Variants in ZNF329 observed in about 807,000 individuals in gnomAD.
ZNF329 encodes zinc finger protein 329.
Under a neutral mutation model 26.6 loss-of-function variants are expected in ZNF329, and 15 were observed. The observed-to-expected ratio is 0.56, with a 90% CI of 0.38 to 0.87. The LOEUF is 0.87. Ranked by LOEUF, ZNF329 falls within the 40% of genes least tolerant of loss-of-function variation. The pLI is 0.00. For missense variants in ZNF329, 651 were observed against 651.9 expected, an observed-to-expected ratio of 1.00 and a Z score of 0.02; for synonymous variants, 239 against 233.5, an observed-to-expected ratio of 1.02 and a Z score of -0.21.
At chr19:58,146,087 G>T (rs1355750038) in intron 1 of ZNF329, among the ~76,000 whole-genome samples, 1 of 151,710 alleles carries the variant, frequency 6.6e-6, no homozygotes, top group East Asian at 1.9e-4. Flanking sequence ...CAGGATCCTG[G>T]ATTGGATCCT....
intron 3 of ZNF329, chr19:58,136,720 T>C (rs1322502179): frequency 6.9e-6 from 1 of 144,066 alleles, no homozygotes; most frequent in East Asian, 2.0e-4. Context: ...GGACTAAAGA[T>C]GAAGTTACTG....
chr19:58,130,748 A>T (rs1006851613), intron 3 of ZNF329, among the ~76,000 whole-genome samples: 1 of 152,140 alleles, frequency 6.6e-6, no homozygotes, highest in Non-Finnish European at 1.5e-5. Flanking sequence ...GCATTCTGTA[A>T]ATGGTTGCAT....
In ZNF329 at chr19:58,128,061, G is replaced by A. The variant is rs113400388; in HGVS notation, c.1443C>T (p.Thr481=). The stretch of plus-strand genomic sequence containing the variant: ...TCCCACATTCTGGACACTGATATGG[G>A]GTCTCCTTAGTGTGAATTCTCTGGT... ...TKHQRIHTKE[T]PYQCPECGKS... is the part of the protein sequence containing the mutation. The change falls in exon 4 of 4, where the codon ACC becomes ACT. Residue 481 remains threonine (T), a synonymous_variant. Coordinates refer to ENST00000598312, the MANE Select transcript of ZNF329 (RefSeq NM_024620.4). 1.9e-6 allele frequency: 3 copies of A among 1,612,818 alleles called. No individual in the cohort carries two copies. Among genetic ancestry groups the A allele is most frequent in the African/African-American group, 2.7e-5 (2 of 74,922 alleles).
intron 3 of ZNF329, 91 bp from the exon 4 acceptor site, chr19:58,129,602 G>C (rs2074892785): frequency 8.8e-7 from 1 of 1,131,434 alleles, no homozygotes; most frequent in African/African-American, 1.5e-5. Context: ...GTAAAGATGT[G>C]TATTTTTTTA....
At position 58,129,263 on chromosome 19, in the gene ZNF329, G is replaced by C. The variant is rs1266115756; in HGVS notation, c.241C>G (p.Pro81Ala). Reference protein sequence around the residue: ...EHLIASSDLPPSQRVLATNGF... With the variant: ...EHLIASSDLPASQRVLATNGF... The stretch of plus-strand genomic sequence containing the variant: ...TTTGTTGCCAGAACTCTCTGAGACG[G>C]TGGAAGGTCTGAGCTTGCAATCAAA... The change falls in exon 4 of 4, where the codon CCG becomes GCG. Residue 81 changes from proline to alanine, a missense_variant. By Grantham distance (27) the Pro-to-Ala change is conservative (BLOSUM62 -1). Transcript: ENST00000598312. 1 of 1,614,100 alleles carries C rather than the reference G, an allele frequency of 6.2e-7. No individual in the cohort carries two copies. Among genetic ancestry groups the C allele is most frequent in the Non-Finnish European group, 8.5e-7 (1 of 1,180,062 alleles).
intron 1 of ZNF329, 42 bp from the exon 2 acceptor site, chr19:58,143,240 T>C (rs932035486): frequency 2.6e-5 from 4 of 152,062 alleles, no homozygotes; most frequent in Admixed American, 6.6e-5. Flanking sequence ...AAAAATTATA[T>C]AGTATCTTTG....
intron 3 of ZNF329, chr19:58,132,775 G>T: frequency 6.6e-6 from 1 of 151,298 alleles, no homozygotes. Context: ...CTGGATAAAC[G>T]AACATCAATC....
At chr19:58,148,375 C>G (rs951888051) in intron 1 of ZNF329, among the ~76,000 whole-genome samples, 3 of 142,132 alleles carry the variant, frequency 2.1e-5, no homozygotes, top group African/African-American at 8.3e-5. Flanking sequence ...GCGAGAAACA[C>G]CCAAGAATGA....
chr19:58,129,239 T>C lies in ZNF329; in HGVS notation c.265A>G (p.Asn89Asp). Residue 89 changes from asparagine to aspartate, a missense_variant, in exon 4 of 4, where the codon AAT becomes GAT. Asn to Asp is a conservative substitution (Grantham distance 23). Transcript: ENST00000598312. ...TTTGAGTCAGGTGCATGGAAACCAT[T>C]TGTTGCCAGAACTCTCTGAGACGGT... is the stretch of plus-strand genomic sequence containing the variant. ...LPPSQRVLAT[N>D]GFHAPDSNVS... is the part of the protein sequence containing the mutation. 1 of 1,614,188 alleles carries C rather than the reference T, an allele frequency of 6.2e-7. No homozygotes were observed.
intron 3 of ZNF329, among the ~76,000 whole-genome samples, chr19:58,134,248 C>G (rs1283683248): frequency 1.3e-5 from 2 of 152,076 alleles, no homozygotes; most frequent in Admixed American, 6.6e-5. Flanking sequence ...ATGATCCAGC[C>G]CCAAATGTCC....
At chr19:58,133,920 G>A (rs1453544694) in intron 3 of ZNF329, among the ~76,000 whole-genome samples, 1 of 152,110 alleles carries the variant, frequency 6.6e-6, no homozygotes, top group Non-Finnish European at 1.5e-5. Flanking sequence ...GGAATTAATG[G>A]GATAGACTAA....
chr19:58,137,485 C>T (rs1481340685), intron 3 of ZNF329, among the ~76,000 whole-genome samples: 2 of 151,726 alleles, frequency 1.3e-5, no homozygotes, highest in Admixed American at 6.6e-5. Context: ...ACCCAGGAAG[C>T]GGAGGTTGCA....
chr19:58,151,601 C>CAAAAAA, upstream of ZNF329, among the ~76,000 whole-genome samples: 1 of 70,928 alleles, frequency 1.4e-5, no homozygotes, highest in Non-Finnish European at 3.0e-5. Context: ...GACTTCGTCT[C>CAAAAAA]AAAAAAAAAA....
Position 58,131,145 on chromosome 19 carries a change from G to GTGTGTGC in ZNF329, c.-8-1635_-8-1634insGCACACA, listed in dbSNP as rs1555806917. 2.6e-3 allele frequency among the ~76,000 whole-genome samples: 390 copies of GTGTGTGC among 151,868 alleles called. 3 individuals are homozygous for GTGTGTGC. Among genetic ancestry groups the GTGTGTGC allele is most frequent in the African/African-American group, 9.3e-3 (383 of 41,310 alleles). Reference sequence around the variant, plus strand: ...TGTGTGTGTGTGTGTGTGTGTGCGCGTGTATTTACATTTCAGAAGGATACA... The same window carrying GTGTGTGC: ...TGTGTGTGTGTGTGTGTGTGTGCGCGTGTGTGCTGTATTTACATTTCAGAAGGATACA... On this transcript the variant is annotated intron_variant, in intron 3 of 3. Transcript: ENST00000598312.
In ZNF329 at chr19:58,128,319, C is replaced by T; in HGVS notation, c.1185G>A (p.Gly395=). ...ATTCTTTACATTCATAGGGTTTCTC[C>T]CCAGAATGGATCTTTTGATGCACAA... ...HLIVHQKIHS[G]EKPYECKECG... Residue 395 remains glycine (G), a synonymous_variant, in exon 4 of 4, where the codon GGG becomes GGA. Transcript: ENST00000598312. 6.2e-7 allele frequency: 1 copy of T among 1,613,922 alleles called. No individual in the cohort carries two copies. The highest frequency in any genetic ancestry group is 8.5e-7 in the Non-Finnish European group (1 of 1,179,938).
At chr19:58,129,604 ATTTTTTT>A in intron 3 of ZNF329, 93 bp from the exon 4 acceptor site, 2 of 1,121,350 alleles carry the variant, frequency 1.8e-6, no homozygotes, top group Admixed American at 5.0e-5. Flanking sequence ...AAAGATGTGT[ATTTTTTT>A]ACTTGTTTTC....
At chr19:58,148,764 A>AT (rs1400545971) in intron 1 of ZNF329, among the ~76,000 whole-genome samples, 28 of 152,244 alleles carry the variant, frequency 1.8e-4, no homozygotes, top group Non-Finnish European at 1.3e-4. Flanking sequence ...AGAGTGAGGT[A>AT]TGATATCTAT....
At position 58,128,716 on chromosome 19, in the gene ZNF329, T is replaced by C; in HGVS notation, c.788A>G (p.Lys263Arg). The C allele has an allele frequency of 6.2e-7, 1 of 1,607,736 alleles. No individual in the cohort carries two copies. The highest frequency in any genetic ancestry group is 8.5e-7 in the Non-Finnish European group (1 of 1,177,078). Residue 263 changes from lysine to arginine, a missense_variant, in exon 4 of 4, where the codon AAA becomes AGA. Coordinates refer to ENST00000598312, the MANE Select transcript of ZNF329 (RefSeq NM_024620.4). ...HTGEKPYECS[K>R]CGKAFSDGSA... ...GCCATCACTGAAAGCTTTCCCACAT[T>C]TACTGCATTCATAGGGCTTCTCTCC...
chr19:58,131,144 CG>C (rs202209056), intron 3 of ZNF329, among the ~76,000 whole-genome samples: 1 of 149,286 alleles, frequency 6.7e-6, no homozygotes, highest in African/African-American at 2.5e-5. Flanking sequence ...TGTGTGTGCG[CG>C]TGTATTTACA....
Sources: allele counts gnomAD v4.1 joint callset (sites outside exome capture counted in the v4.1 genomes callset), GRCh38; gene constraint gnomAD v4.1.1; transcripts MANE v1.5; gene names NCBI Gene and HGNC (gene_info 2026-07-23, HGNC 2026-07-21).